The following SEL1L3 variants were observed in gnomAD, a reference collection of about 807,000 sequenced individuals.
The protein encoded by SEL1L3 is SEL1L family member 3.
SEL1L3 carries 76 observed loss-of-function variants against 142.8 expected under a neutral mutation model. The ratio of observed to expected loss-of-function variants is 0.53; its 90% CI spans 0.44 to 0.64. SEL1L3 has a LOEUF of 0.64. SEL1L3 is among the 30% of genes least tolerant of loss of function. SEL1L3 has a pLI of 0.00. For synonymous variants in SEL1L3, 504 were observed against 519.6 expected, an observed-to-expected ratio of 0.97 and a Z score of 0.41; for missense variants, 1,262 against 1,381.7, an observed-to-expected ratio of 0.91 and a Z score of 1.37.
chr4:25,767,541 G>A lies in SEL1L3; in HGVS notation c.2829C>T (p.Ile943=), dbSNP rs182680181. 5.1e-5 allele frequency: 81 copies of A among 1,587,112 alleles called. No individual in the cohort carries two copies. In the African/African-American group the frequency reaches 8.1e-4, roughly 16 times the overall value. ...WRYYNFSVFQ[I]DAPSFAYLKM... The stretch of plus-strand genomic sequence containing the variant: ...TATACATACCAAAGGAAGGAGCATC[G>A]ATTTGAAAAACAGAGAAATTATAGT... Residue 943 remains isoleucine (I), a synonymous_variant, in exon 19 of 24, where the codon ATC becomes ATT. Coordinates refer to ENST00000399878, the MANE Select transcript of SEL1L3 (RefSeq NM_015187.5).
At chr4:25,735,402 G>T in the SEL1L3 span, among the ~76,000 whole-genome samples, 1 of 151,856 alleles carries the variant, frequency 6.6e-6, no homozygotes, top group Admixed American at 6.6e-5. Context: ...TTTTATTCTT[G>T]ATATTGGGAA....
Position 25,767,505 on chromosome 4 carries a change from C to T in SEL1L3, c.2845+20G>A, listed in dbSNP as rs1378605114. ...AAAAACACCTAATGCTTCAATTTTG[C>T]ACCGTTTTTCTATACATACCAAAGG... On this transcript the variant is annotated intron_variant, in intron 19 of 23. Transcript: ENST00000399878. The T allele has an allele frequency of 1.5e-5, 20 of 1,360,530 alleles. No homozygotes were observed. The highest frequency in any genetic ancestry group is 2.1e-5 in the Non-Finnish European group (20 of 960,436). 84.3% of individuals were successfully genotyped at this position (1,360,530 alleles called of 1,614,324 possible). A position where few individuals can be genotyped will look rare whatever the true frequency, so the allele number is the denominator to read the frequency against.
chr4:25,795,603 G>A (rs756602648), intron 11 of SEL1L3, among the ~76,000 whole-genome samples: 13 of 152,190 alleles, frequency 8.5e-5, no homozygotes, highest in Non-Finnish European at 1.5e-4. Context: ...AACACACAGA[G>A]GTAAGCAGAA....
chr4:25,777,808 C>A (rs1391991367), intron 16 of SEL1L3: 1 of 455,926 alleles, frequency 2.2e-6, no homozygotes, highest in South Asian at 1.6e-5. Flanking sequence ...GAATTTGAAC[C>A]CAAATGTGTT....
At chr4:25,730,755 A>G in the SEL1L3 span, among the ~76,000 whole-genome samples, 1 of 152,042 alleles carries the variant, frequency 6.6e-6, no homozygotes, top group Non-Finnish European at 1.5e-5. Flanking sequence ...ACGGCCAGGC[A>G]CGGTGGCTCA....
At chr4:25,817,059 C>T (rs1294624802) in intron 9 of SEL1L3, among the ~76,000 whole-genome samples, 2 of 152,232 alleles carry the variant, frequency 1.3e-5, no homozygotes, top group Non-Finnish European at 2.9e-5. Context: ...AGGACAGAAG[C>T]ATTGTGTTAC....
At chr4:25,787,737 A>G (rs1346947216) in intron 13 of SEL1L3, among the ~76,000 whole-genome samples, 1 of 152,224 alleles carries the variant, frequency 6.6e-6, no homozygotes, top group Non-Finnish European at 1.5e-5. Context: ...CTCCAAGGAC[A>G]TACCTGATGG....
At chr4:25,767,478 T>G in intron 19 of SEL1L3, 47 bp downstream of exon 19, 1 of 1,005,724 alleles carries the variant, frequency 9.9e-7, no homozygotes. Context: ...TTACTAAAGA[T>G]TAAAAACACC....
chr4:25,745,985 G>A (rs1241868774), downstream of SEL1L3, among the ~76,000 whole-genome samples: 1 of 152,158 alleles, frequency 6.6e-6, no homozygotes, highest in Non-Finnish European at 1.5e-5. Flanking sequence ...TAAAAATAAT[G>A]ACCTACCATA....
chr4:25,817,871 C>T (rs539148851), intron 9 of SEL1L3, among the ~76,000 whole-genome samples: 8 of 152,120 alleles, frequency 5.3e-5, no homozygotes, highest in East Asian at 1.9e-4. Context: ...GCTCTGGCTG[C>T]GGCCTATCCA....
chr4:25,845,052 C>T (rs919700956), intron 2 of SEL1L3, among the ~76,000 whole-genome samples: 2 of 152,106 alleles, frequency 1.3e-5, no homozygotes, highest in African/African-American at 4.8e-5. Flanking sequence ...AACACAGGAC[C>T]CCCTGTAAAA....
rs1487074785 is a variant in SEL1L3 at position 25,765,460 on chromosome 4, A to G, written c.2846-25T>C. ...GCTGCAGGAAATAAAGCACAGATCCATTTGTCAAGTGGTTTTTTTTATACC... is the reference window on the plus strand; with the variant it reads ...GCTGCAGGAAATAAAGCACAGATCCGTTTGTCAAGTGGTTTTTTTTATACC... On this transcript the variant is annotated intron_variant, in intron 19 of 23. Coordinates refer to ENST00000399878, the MANE Select transcript of SEL1L3 (RefSeq NM_015187.5). 5 of 1,489,366 alleles carry G rather than the reference A, an allele frequency of 3.4e-6. No homozygotes were observed. In the South Asian group the frequency reaches 5.7e-5, roughly 17 times the overall value. The allele number at this position is 1,489,366 out of a possible 1,614,324, so 92.3% of individuals were successfully genotyped here.
At chr4:25,813,398 C>G (rs1222063411) in intron 9 of SEL1L3, among the ~76,000 whole-genome samples, 2 of 152,208 alleles carry the variant, frequency 1.3e-5, no homozygotes, top group African/African-American at 2.4e-5. Context: ...CTAACACACA[C>G]TGCAACAGAG....
chr4:25,796,572 C>T (rs951642811), intron 11 of SEL1L3, among the ~76,000 whole-genome samples: 4 of 152,180 alleles, frequency 2.6e-5, no homozygotes, highest in Admixed American at 2.0e-4. Flanking sequence ...GTGGGCAGAT[C>T]GCTTGAGGTC....
At chr4:25,787,374 G>A (rs1711923466) in intron 13 of SEL1L3, among the ~76,000 whole-genome samples, 1 of 152,132 alleles carries the variant, frequency 6.6e-6, no homozygotes, top group Non-Finnish European at 1.5e-5. Flanking sequence ...AGGCTGGAGT[G>A]CAGTGGCACG....
At chr4:25,803,224 G>T (rs1416827702) in intron 10 of SEL1L3, among the ~76,000 whole-genome samples, 1 of 152,258 alleles carries the variant, frequency 6.6e-6, no homozygotes, top group Non-Finnish European at 1.5e-5. Flanking sequence ...CCAGAAAGGG[G>T]AAGTCGATTG....
chr4:25,717,711 G>C, the SEL1L3 span, among the ~76,000 whole-genome samples: 24,243 of 152,186 alleles, frequency 0.16, 1,994 homozygotes, highest in Middle Eastern at 0.27. Context: ...AGAATGCTAA[G>C]AAGCAAAGAT....
chr4:25,795,059 G>T (rs191031047), intron 11 of SEL1L3, among the ~76,000 whole-genome samples: 1 of 150,024 alleles, frequency 6.7e-6, no homozygotes, highest in Admixed American at 6.7e-5. Flanking sequence ...CTCTTGGGGG[G>T]TGGGGGGGAG....
At chr4:25,774,650 AG>A (rs1277332406) in intron 17 of SEL1L3, among the ~76,000 whole-genome samples, 1 of 152,236 alleles carries the variant, frequency 6.6e-6, no homozygotes, top group Non-Finnish European at 1.5e-5. Flanking sequence ...ACCTGAGGTC[AG>A]GAGTTCAAGA....
Sources: allele counts gnomAD v4.1 joint callset (sites outside exome capture counted in the v4.1 genomes callset), GRCh38; gene constraint gnomAD v4.1.1; transcripts MANE v1.5; gene names NCBI Gene and HGNC (gene_info 2026-07-23, HGNC 2026-07-21).